Variants in ABCA1 observed in about 807,000 individuals in gnomAD.
The protein encoded by ABCA1 is phospholipid-transporting ATPase ABCA1.
ABCA1 carries 133 observed loss-of-function variants against 262.5 expected under a neutral mutation model. The observed-to-expected ratio is 0.51, with a 90% CI of 0.44 to 0.59. The LOEUF (loss-of-function observed/expected upper bound fraction) is 0.59. Ranked by LOEUF, ABCA1 falls within the 20% of genes least tolerant of loss-of-function variation. ABCA1 has a pLI of 0.00. For missense variants in ABCA1, 2,452 were observed against 2,777.5 expected (o/e 0.88, Z 2.63); for synonymous variants, 1,022 against 1,043.5 (o/e 0.98, Z 0.40).
chr9:104,790,542 C>A (rs1174626472), intron 44 of ABCA1, among the ~76,000 whole-genome samples: 1 of 152,128 alleles, frequency 6.6e-6, no homozygotes, highest in Non-Finnish European at 1.5e-5. Flanking sequence ...AATTGTATGG[C>A]ACATTTATAT....
At chr9:104,836,955 T>G in intron 11 of ABCA1, 25 bp downstream of exon 11, 2 of 1,559,082 alleles carry the variant, frequency 1.3e-6, no homozygotes, top group Non-Finnish European at 1.8e-6. Flanking sequence ...AGCAGGCACA[T>G]GGTAATAATG....
chr9:104,879,787 C>T (rs558524076), intron 5 of ABCA1, among the ~76,000 whole-genome samples: 7 of 152,184 alleles, frequency 4.6e-5, no homozygotes, highest in Middle Eastern at 3.4e-3. Flanking sequence ...ACAAGGGAGG[C>T]AAAAATCCCT....
intron 6 of ABCA1, among the ~76,000 whole-genome samples, chr9:104,859,094 T>C (rs1212678681): frequency 6.6e-6 from 1 of 152,262 alleles, no homozygotes; most frequent in Non-Finnish European, 1.5e-5. Context: ...ATGTTGTCTT[T>C]AAGTAGGACT....
At position 104,889,282 on chromosome 9, in the gene ABCA1, C is replaced by T. The variant is rs866379589; in HGVS notation, c.67-87G>A. 66 of 1,541,910 alleles carry T rather than the reference C, an allele frequency of 4.3e-5. No homozygotes were observed. In the Middle Eastern group the frequency reaches 2.7e-3, roughly 63 times the overall value. ...TGGGATCTGGGAAATCCACAGACAA[C>T]TTCATTTACTAATTAATCAACTTCT... On this transcript the variant is annotated intron_variant, in intron 2 of 49. Transcript: ENST00000374736.
intron 5 of ABCA1, among the ~76,000 whole-genome samples, chr9:104,873,379 G>A (rs1837812050): frequency 4.6e-5 from 7 of 152,194 alleles, no homozygotes; most frequent in Admixed American, 4.6e-4. Context: ...AGAAGTGGCT[G>A]TGAGTCACAG....
chr9:104,926,060 T>C (rs1222349244), intron 1 of ABCA1, among the ~76,000 whole-genome samples: 1 of 151,848 alleles, frequency 6.6e-6, no homozygotes, highest in Admixed American at 6.6e-5. Context: ...ACTCTTTAAC[T>C]TGGGGGAAAT....
intron 18 of ABCA1, among the ~76,000 whole-genome samples, chr9:104,824,154 C>T (rs182023721): frequency 6.6e-6 from 1 of 152,216 alleles, no homozygotes; most frequent in East Asian, 1.9e-4. Context: ...TTGTCTTTAC[C>T]TCTTTCTTCT....
chr9:104,793,267 T>C lies in ABCA1; in HGVS notation c.5540A>G (p.Asp1847Gly), dbSNP rs1454763202. The stretch of plus-strand genomic sequence containing the variant: ...GGCGAAGAGGTTTCGTCCCACCAAG[T>C]CCCAAGATAATGGTGACACAAAGCG... Reference protein sequence around the residue: ...ENRFVSPLSWDLVGRNLFAMA... With the variant: ...ENRFVSPLSWGLVGRNLFAMA... Residue 1847 changes from aspartate to glycine, a missense_variant, in exon 41 of 50, where the codon GAC (aspartate) becomes GGC (glycine). Coordinates refer to ENST00000374736, the MANE Select transcript of ABCA1 (RefSeq NM_005502.4). 1 of 1,613,942 alleles carries C rather than the reference T, an allele frequency of 6.2e-7. No individual in the cohort carries two copies.
intron 48 of ABCA1, 108 bp downstream of exon 48, chr9:104,786,190 G>A: frequency 1.1e-6 from 1 of 927,898 alleles, no homozygotes; most frequent in Non-Finnish European, 1.7e-6. Context: ...ATACTGTTTT[G>A]CTCAGTTTTA....
rs1337045999 is a variant in ABCA1, at chr9:104,867,566, T to C, written c.422-5766A>G. Among the ~76,000 whole-genome samples the C allele has an allele frequency of 4.6e-5, 7 of 152,360 alleles. No homozygotes were observed. The East Asian group carries it at 9.6e-4, about 21-fold the overall frequency. On this transcript the variant is annotated intron_variant, in intron 5 of 49. Coordinates refer to ENST00000374736, the MANE Select transcript of ABCA1 (RefSeq NM_005502.4). ...GTGCATATGTATGTGTGTATTATAA[T>C]ACATATTAGCCTGGCTGAGTTCCTA...
At chr9:104,832,902 T>C in intron 11 of ABCA1, 131 bp from the exon 12 acceptor site, 1 of 831,612 alleles carries the variant, frequency 1.2e-6, no homozygotes, top group Non-Finnish European at 2.0e-6. Flanking sequence ...TAAATGACAG[T>C]GTCCCTATTT....
intron 2 of ABCA1, among the ~76,000 whole-genome samples, chr9:104,890,630 C>T (rs1174667917): frequency 6.6e-6 from 1 of 150,982 alleles, no homozygotes; most frequent in Non-Finnish European, 1.5e-5. Flanking sequence ...GAGACAGGGT[C>T]TTGCTCCATC....
chr9:104,812,457 G>A lies in ABCA1; in HGVS notation c.4050+117C>T, dbSNP rs1378180062. On this transcript the variant is annotated intron_variant, in intron 28 of 49. Transcript: ENST00000374736. ...GGAATAGAACTGGGATTGAAATACA[G>A]ATAAATCTGGCTCCGGCATCCATAT... The A allele has an allele frequency of 4.4e-6, 6 of 1,359,094 alleles. No homozygotes were observed. The Admixed American group carries it at 5.5e-5, about 12-fold the overall frequency. The allele number at this position is 1,359,094 out of a possible 1,614,324, so 84.2% of individuals were successfully genotyped here. A position where few individuals can be genotyped will look rare whatever the true frequency, so the allele number is the denominator to read the frequency against.
intron 4 of ABCA1, 56 bp downstream of exon 4, chr9:104,884,371 A>C: frequency 6.2e-7 from 1 of 1,608,528 alleles, no homozygotes; most frequent in Non-Finnish European, 8.5e-7. Context: ...AGGACAAGAA[A>C]GGAAGGAAAA....
chr9:104,927,004 G>C (rs1826402106), intron 1 of ABCA1, among the ~76,000 whole-genome samples: 1 of 152,036 alleles, frequency 6.6e-6, no homozygotes, highest in South Asian at 2.1e-4. Flanking sequence ...CTGAGGTCGA[G>C]GGTTCGAGAC....
At chr9:104,895,772 G>A (rs939334688) in intron 2 of ABCA1, among the ~76,000 whole-genome samples, 1 of 152,118 alleles carries the variant, frequency 6.6e-6, no homozygotes, top group African/African-American at 2.4e-5. Flanking sequence ...CCACAATCCA[G>A]TCACTCTGTG....
intron 31 of ABCA1, among the ~76,000 whole-genome samples, chr9:104,805,444 T>C (rs1292970303): frequency 6.6e-6 from 1 of 152,120 alleles, no homozygotes. Flanking sequence ...GAATTGCTTG[T>C]CCTCATCCTG....
At chr9:104,832,543 C>G in intron 12 of ABCA1, 31 bp downstream of exon 12, 2 of 1,613,102 alleles carry the variant, frequency 1.2e-6, no homozygotes, top group Non-Finnish European at 1.7e-6. Context: ...GCCGTTAAGT[C>G]TTTTCTAAAT....
chr9:104,796,514 G>T (rs1401584730), intron 37 of ABCA1, 90 bp from the exon 38 acceptor site: 5 of 949,676 alleles, frequency 5.3e-6, no homozygotes, highest in Non-Finnish European at 8.4e-6. Flanking sequence ...ACAAGAAAGG[G>T]CAGATAAACA....
Sources: gnomAD v4.1 joint callset for allele counts (sites outside exome capture counted in the v4.1 genomes callset) on GRCh38, gnomAD v4.1.1 for gene constraint, MANE v1.5 for transcripts, NCBI Gene and HGNC (gene_info 2026-07-23, HGNC 2026-07-21) for gene names.